Variants in CLVS1 observed in about 807,000 individuals in gnomAD.
The protein encoded by CLVS1 is clavesin 1.
A neutral mutation model predicts 33.1 loss-of-function variants in CLVS1; 10 were observed. That is an observed-to-expected ratio of 0.30 (90% CI 0.19 to 0.51). The LOEUF is 0.51. Ranked by LOEUF, CLVS1 falls within the 20% of genes least tolerant of loss-of-function variation. The pLI is 0.97. For missense variants in CLVS1, 343 were observed against 433.4 expected, an observed-to-expected ratio of 0.79 and a Z score of 1.85; for synonymous variants, 163 against 166.1, an observed-to-expected ratio of 0.98 and a Z score of 0.14.
At chr8:61,097,898 C>T (rs1311579378) in intron 1 of CLVS1, among the ~76,000 whole-genome samples, 2 of 152,126 alleles carry the variant, frequency 1.3e-5, no homozygotes, top group African/African-American at 4.8e-5. Flanking sequence ...GGCAGTGGAT[C>T]TTGTTGATAT....
the CLVS1 span, among the ~76,000 whole-genome samples, chr8:61,036,087 C>T: frequency 6.6e-6 from 1 of 152,224 alleles, no homozygotes; most frequent in Non-Finnish European, 1.5e-5. Context: ...TCTGGCTTTG[C>T]TCCTGTAGCA....
chr8:61,046,799 T>C, the CLVS1 span, among the ~76,000 whole-genome samples: 2 of 151,576 alleles, frequency 1.3e-5, no homozygotes, highest in Non-Finnish European at 2.9e-5. Flanking sequence ...TTGTCTGTTA[T>C]TGGTGTATAA....
At chr8:61,129,698 G>T (rs1424420980) in intron 1 of CLVS1, among the ~76,000 whole-genome samples, 1 of 152,096 alleles carries the variant, frequency 6.6e-6, no homozygotes, top group Non-Finnish European at 1.5e-5. Flanking sequence ...GCTCCCTGAG[G>T]CCTCTTTTAT....
At chr8:61,100,417 A>AT (rs947858850) in intron 1 of CLVS1, among the ~76,000 whole-genome samples, 1 of 152,202 alleles carries the variant, frequency 6.6e-6, no homozygotes, top group African/African-American at 2.4e-5. Flanking sequence ...ATGCCCAGAC[A>AT]TTTTTTGGAT....
At chr8:60,994,624 C>A in the CLVS1 span, among the ~76,000 whole-genome samples, 1 of 151,664 alleles carries the variant, frequency 6.6e-6, no homozygotes, top group Non-Finnish European at 1.5e-5. Flanking sequence ...CTACCACTGG[C>A]AAGGGGTAAA....
At chr8:61,151,939 T>A (rs1434261042) in intron 2 of CLVS1, among the ~76,000 whole-genome samples, 2 of 152,196 alleles carry the variant, frequency 1.3e-5, no homozygotes, top group African/African-American at 4.8e-5. Flanking sequence ...AGACGTCAGA[T>A]AAACATCCTA....
chr8:61,378,403 C>T (rs560850089), intron 3 of CLVS1: 8 of 152,152 alleles, frequency 5.3e-5, no homozygotes, highest in African/African-American at 1.2e-4. Context: ...TTAATCCATG[C>T]GAATGTGTTT....
chr8:61,390,706 G>A (rs565108810), intron 3 of CLVS1, among the ~76,000 whole-genome samples: 2 of 152,152 alleles, frequency 1.3e-5, no homozygotes, highest in African/African-American at 4.8e-5. Context: ...TGTATTGCCT[G>A]TTAATGTACT....
intron 1 of CLVS1, among the ~76,000 whole-genome samples, chr8:61,080,456 A>T (rs1736874647): frequency 6.6e-6 from 1 of 152,232 alleles, no homozygotes; most frequent in Non-Finnish European, 1.5e-5. Context: ...CTTTAACAAT[A>T]AAGGGCGATT....
At chr8:61,361,754 G>A (rs1257476299) in intron 2 of CLVS1, among the ~76,000 whole-genome samples, 1 of 152,094 alleles carries the variant, frequency 6.6e-6, no homozygotes, top group Non-Finnish European at 1.5e-5. Context: ...GATCACTCAT[G>A]TTTGGAATAT....
At chr8:60,969,869 T>G in the CLVS1 span, among the ~76,000 whole-genome samples, 1 of 152,130 alleles carries the variant, frequency 6.6e-6, no homozygotes, top group African/African-American at 2.4e-5. Context: ...GCATTAGATA[T>G]TATAAGTAAT....
the CLVS1 span, among the ~76,000 whole-genome samples, chr8:61,047,055 C>T: frequency 6.6e-6 from 1 of 152,170 alleles, no homozygotes; most frequent in African/African-American, 2.4e-5. Flanking sequence ...AGAGGGCATC[C>T]CTGTCTTGCG....
chr8:61,276,009 A>T (rs1349004904), intron 2 of CLVS1, among the ~76,000 whole-genome samples: 1 of 152,216 alleles, frequency 6.6e-6, no homozygotes, highest in African/African-American at 2.4e-5. Flanking sequence ...CTGCTACATC[A>T]TCTAAGCATT....
At chr8:61,171,511 T>C (rs1806995173) in intron 2 of CLVS1, among the ~76,000 whole-genome samples, 1 of 152,230 alleles carries the variant, frequency 6.6e-6, no homozygotes, top group Admixed American at 6.5e-5. Context: ...TGCCTTCTGT[T>C]CAATAAGGAG....
At chr8:61,398,040 G>T (rs1171877289) in intron 3 of CLVS1, among the ~76,000 whole-genome samples, 2 of 152,114 alleles carry the variant, frequency 1.3e-5, no homozygotes, top group South Asian at 2.1e-4. Flanking sequence ...CACAAAAAAG[G>T]AGCTTGGATT....
chr8:61,334,928 C>T (rs1356714483), intron 2 of CLVS1, among the ~76,000 whole-genome samples: 1 of 152,198 alleles, frequency 6.6e-6, no homozygotes, highest in Non-Finnish European at 1.5e-5. Flanking sequence ...TCAAATCAGT[C>T]TCTCTGAGCA....
At chr8:61,093,644 G>A (rs1318751933) in intron 1 of CLVS1, among the ~76,000 whole-genome samples, 1 of 152,190 alleles carries the variant, frequency 6.6e-6, no homozygotes, top group South Asian at 2.1e-4. Context: ...TAGTGAAAAG[G>A]CTTGGTGAAG....
rs115048901 is a variant in CLVS1, at chr8:61,376,493, C to A, written c.456-112C>A. ...TTTGGGTACAGGACGCCAGTGTGAC[C>A]CTCCAGGCGGGGTTCATGGAGCAGT... On this transcript the variant is annotated intron_variant, in intron 2 of 5. Transcript: ENST00000325897. The A allele has an allele frequency of 1.5e-3, 1,360 of 923,096 alleles. 12 individuals carry two copies. The African/African-American group carries it at 0.021, about 14-fold the overall frequency. The allele number at this position is 923,096 out of a possible 1,614,324, so 57.2% of individuals were successfully genotyped here.
chr8:61,279,267 G>A (rs1809621638), intron 2 of CLVS1, among the ~76,000 whole-genome samples: 1 of 152,148 alleles, frequency 6.6e-6, no homozygotes, highest in Admixed American at 6.5e-5. Flanking sequence ...TTCCCATCAG[G>A]CAGTGAGGCG....
Sources: allele counts gnomAD v4.1 joint callset (sites outside exome capture counted in the v4.1 genomes callset), GRCh38; gene constraint gnomAD v4.1.1; transcripts MANE v1.5; gene names NCBI Gene and HGNC (gene_info 2026-07-23, HGNC 2026-07-21).